Variants in NLGN1 observed in about 807,000 individuals in gnomAD.
NLGN1 encodes neuroligin 1.
In NLGN1, 12 loss-of-function variants were observed where a neutral mutation model predicts 65.5. The observed-to-expected ratio is 0.18, with a 90% CI of 0.12 to 0.30. The LOEUF (loss-of-function observed/expected upper bound fraction) is 0.30. NLGN1 is among the 10% of genes least tolerant of loss of function. The pLI, the probability that NLGN1 is intolerant of heterozygous loss-of-function variation, is 1.00. For missense variants in NLGN1, 750 were observed against 1,007.1 expected, an observed-to-expected ratio of 0.74 and a Z score of 3.46; for synonymous variants, 350 against 359.5, an observed-to-expected ratio of 0.97 and a Z score of 0.30.
intron 2 of NLGN1, among the ~76,000 whole-genome samples, chr3:173,500,228 G>C (rs954246560): frequency 2.0e-5 from 3 of 152,054 alleles, no homozygotes; most frequent in Admixed American, 6.6e-5. Context: ...TACATCCCAT[G>C]AATACCTAAT....
At chr3:174,030,122 C>CTTT (rs3979617) in intron 4 of NLGN1, among the ~76,000 whole-genome samples, 15 of 118,326 alleles carry the variant, frequency 1.3e-4, no homozygotes, top group South Asian at 2.8e-4. Context: ...TTTAAGTTAG[C>CTTT]TTTTTTTTTT....
intron 3 of NLGN1, among the ~76,000 whole-genome samples, chr3:173,674,188 G>A (rs1002321310): frequency 2.6e-5 from 4 of 151,932 alleles, no homozygotes; most frequent in Admixed American, 6.6e-5. Context: ...AGTAATGAGA[G>A]GTAAATGAAA....
chr3:174,137,286 A>C (rs1721391429), intron 4 of NLGN1, among the ~76,000 whole-genome samples: 1 of 152,172 alleles, frequency 6.6e-6, no homozygotes, highest in Non-Finnish European at 1.5e-5. Context: ...ACCAGCAAGC[A>C]AAATGTCTAA....
intron 2 of NLGN1, among the ~76,000 whole-genome samples, chr3:173,495,422 A>G (rs1032819027): frequency 6.6e-6 from 1 of 151,700 alleles, no homozygotes; most frequent in South Asian, 2.1e-4. Flanking sequence ...TCATATCATT[A>G]GGAAATATAG....
chr3:173,451,860 T>C (rs1331656913), intron 2 of NLGN1, among the ~76,000 whole-genome samples: 1 of 152,184 alleles, frequency 6.6e-6, no homozygotes, highest in Non-Finnish European at 1.5e-5. Context: ...CTCTGAGCCA[T>C]GTGCGTGATA....
At chr3:174,029,442 G>A (rs1729487246) in intron 4 of NLGN1, among the ~76,000 whole-genome samples, 2 of 152,200 alleles carry the variant, frequency 1.3e-5, no homozygotes, top group Admixed American at 1.3e-4. Flanking sequence ...TTTGGAATGG[G>A]TGTATTTACC....
exon 5 of NLGN1, chr3:174,275,496 T>G (rs745520635): frequency 6.2e-7 from 1 of 1,612,324 alleles, no homozygotes; most frequent in South Asian, 1.1e-5. Flanking sequence ...CCCATTATTC[T>G]GAAGGTAACC....
chr3:174,158,583 C>A (rs2152715833), intron 4 of NLGN1, among the ~76,000 whole-genome samples: 1 of 151,694 alleles, frequency 6.6e-6, no homozygotes, highest in South Asian at 2.1e-4. Context: ...AATCTCAGAC[C>A]CTGTTCCAAA....
chr3:174,174,059 G>A (rs1729010658), intron 4 of NLGN1, among the ~76,000 whole-genome samples: 1 of 152,018 alleles, frequency 6.6e-6, no homozygotes, highest in African/African-American at 2.4e-5. Flanking sequence ...TCCCACATAT[G>A]AGTGAGAACA....
chr3:173,665,999 C>T (rs1761642891), intron 3 of NLGN1, among the ~76,000 whole-genome samples: 1 of 152,092 alleles, frequency 6.6e-6, no homozygotes, highest in Non-Finnish European at 1.5e-5. Context: ...AATGGCTATT[C>T]ATCCTTGTGT....
chr3:173,929,067 AT>A (rs1239083878), intron 4 of NLGN1, among the ~76,000 whole-genome samples: 1 of 152,110 alleles, frequency 6.6e-6, no homozygotes, highest in Non-Finnish European at 1.5e-5. Flanking sequence ...GAACCTCTAA[AT>A]TTTTTAGTGA....
chr3:173,507,415 A>C (rs1732211642), intron 2 of NLGN1, among the ~76,000 whole-genome samples: 1 of 152,154 alleles, frequency 6.6e-6, no homozygotes, highest in Non-Finnish European at 1.5e-5. Context: ...TTGTTTTGGA[A>C]TGGAAATTTT....
intron 3 of NLGN1, among the ~76,000 whole-genome samples, chr3:173,734,381 A>ATTTTTT (rs71162356): frequency 6.5e-4 from 26 of 40,086 alleles, no homozygotes; most frequent in African/African-American, 1.4e-3. Context: ...GGATAATTCT[A>ATTTTTT]TTTTTTTTTT....
In NLGN1 at chr3:173,403,545, G is replaced by T. The variant is rs544456447; in HGVS notation, c.-390+5058G>T. On this transcript the variant is annotated intron_variant, in intron 1 of 6. Coordinates refer to ENST00000457714, the Ensembl canonical transcript of NLGN1. ...ATTTACTTGAGGGGCTCAAGGGAGG[G>T]ATCTAATTTTCAGCTCACATACCAG... Among the ~76,000 whole-genome samples, 13 of 152,152 alleles carry T rather than the reference G, an allele frequency of 8.5e-5. No individual in the cohort carries two copies. In the East Asian group the frequency reaches 2.5e-3, roughly 29 times the overall value.
chr3:174,027,279 C>G (rs1052599610), intron 4 of NLGN1, among the ~76,000 whole-genome samples: 1 of 152,104 alleles, frequency 6.6e-6, no homozygotes, highest in South Asian at 2.1e-4. Flanking sequence ...ATCTTGGACT[C>G]TCTCTGAAAC....
intron 4 of NLGN1, among the ~76,000 whole-genome samples, chr3:174,187,946 T>C (rs957817780): frequency 2.0e-5 from 3 of 152,028 alleles, no homozygotes; most frequent in Non-Finnish European, 2.9e-5. Context: ...TCTTAGCACA[T>C]AGTAAGTACT....
chr3:173,691,438 T>C (rs573401959), intron 3 of NLGN1, among the ~76,000 whole-genome samples: 5 of 152,294 alleles, frequency 3.3e-5, no homozygotes, highest in African/African-American at 1.2e-4. Context: ...TACAGTTTTG[T>C]TCAGTAGCTG....
chr3:173,450,663 A>G (rs1721324683), intron 2 of NLGN1, among the ~76,000 whole-genome samples: 1 of 152,126 alleles, frequency 6.6e-6, no homozygotes, highest in Admixed American at 6.5e-5. Context: ...ATGTTTTCCA[A>G]CTTGGTTCCA....
In NLGN1 at chr3:173,990,115, A is replaced by G. The variant is rs558912325; in HGVS notation, c.646+182283A>G. 1.2e-3 allele frequency among the ~76,000 whole-genome samples: 187 copies of G among 152,326 alleles called. 2 individuals carry two copies. Among genetic ancestry groups the G allele is most frequent in the African/African-American group, 4.2e-3 (176 of 41,582 alleles). ...AATGGCTGTTAAATAGACAATCAAC[A>G]GATATTATCACACCATACTCTGTTG... On this transcript the variant is annotated intron_variant, in intron 4 of 6. Transcript: ENST00000457714.
Sources: allele counts gnomAD v4.1 joint callset (sites outside exome capture counted in the v4.1 genomes callset), GRCh38; gene constraint gnomAD v4.1.1; transcripts MANE v1.5; gene names NCBI Gene and HGNC (gene_info 2026-07-23, HGNC 2026-07-21).